PCNP: variants seen among roughly 807,000 people sequenced by gnomAD.
PCNP encodes the protein PEST proteolytic signal-containing nuclear protein.
Under a neutral mutation model 21.8 loss-of-function variants are expected in PCNP, and 6 were observed. The observed-to-expected ratio is 0.28, with a 90% confidence interval of 0.15 to 0.54. The LOEUF is 0.54. Ranked by LOEUF, PCNP falls within the 20% of genes least tolerant of loss-of-function variation. The probability of loss-of-function intolerance (pLI) is 0.95; values close to 1 mark genes in which losing one functional copy is unlikely to be tolerated. For missense variants in PCNP, 161 were observed against 215.5 expected (o/e 0.75, Z 1.58); for synonymous variants, 67 against 73.2 (o/e 0.92, Z 0.43).
intron 2 of PCNP, among the ~76,000 whole-genome samples, chr3:101,582,090 G>A (rs1576611692): frequency 6.6e-6 from 1 of 151,750 alleles, no homozygotes; most frequent in African/African-American, 2.4e-5. Context: ...AATTTGGGGT[G>A]GGAGGGTTAT....
rs537196992 is a variant in PCNP, at chr3:101,581,799, G to A, written c.279+1795G>A. On this transcript the variant is annotated intron_variant, in intron 2 of 4. Transcript: ENST00000265260. ...CCTGTTGCCCAGGCTGCAGTGCAAT[G>A]GTGCGATCTTGGCTCACTGCAACCT... 1.2e-3 allele frequency among the ~76,000 whole-genome samples: 181 copies of A among 151,656 alleles called. 1 individual carries two copies. Among genetic ancestry groups the A allele is most frequent in the African/African-American group, 4.2e-3 (175 of 41,260 alleles).
intron 3 of PCNP, chr3:101,589,934 CA>C: frequency 2.8e-6 from 1 of 352,936 alleles, no homozygotes; most frequent in Non-Finnish European, 5.2e-6. Context: ...AGGACATACA[CA>C]AACAACACAA....
Position 101,577,048 on chromosome 3 carries a change from A to G in PCNP, c.65-2742A>G, listed in dbSNP as rs1031412993. 5.6e-5 allele frequency: 41 copies of G among 733,536 alleles called. No homozygotes were observed. In the African/African-American group the frequency reaches 5.8e-4, roughly 10 times the overall value. The allele number at this position is 733,536 out of a possible 1,614,324, so 45.4% of individuals were successfully genotyped here. On this transcript the variant is annotated intron_variant, in intron 1 of 4. Coordinates refer to ENST00000265260, the MANE Select transcript of PCNP (RefSeq NM_020357.3). ...CACCATGTTGGCTAGAATGGTCTCA[A>G]TCTCTTGACCTCGTGATCCGCCCGC...
intron 1 of PCNP, among the ~76,000 whole-genome samples, chr3:101,577,705 G>A (rs138098092): frequency 3.5e-4 from 54 of 152,158 alleles, no homozygotes; most frequent in Admixed American, 6.5e-4. Context: ...TGTACTTTTA[G>A]TAGAGACGGG....
intron 3 of PCNP, chr3:101,589,903 A>G: frequency 3.8e-6 from 1 of 262,000 alleles, no homozygotes; most frequent in South Asian, 5.5e-5. Flanking sequence ...TCATGCGATT[A>G]TGTTAGGATT....
At chr3:101,587,183 GA>G (rs989182032) in intron 3 of PCNP, among the ~76,000 whole-genome samples, 3 of 151,848 alleles carry the variant, frequency 2.0e-5, no homozygotes, top group Admixed American at 2.0e-4. Context: ...CTGGGAGGCA[GA>G]GGTTACAGTG....
chr3:101,576,759 C>G, intron 1 of PCNP: 1 of 1,611,712 alleles, frequency 6.2e-7, no homozygotes, highest in East Asian at 2.2e-5. Context: ...CACGTTCCAC[C>G]TCATCATCAG....
upstream of PCNP, chr3:101,574,173 T>C: frequency 6.5e-7 from 1 of 1,542,524 alleles, no homozygotes; most frequent in East Asian, 2.5e-5. Context: ...GGCGGGGTCG[T>C]GACGTCCTTG....
At chr3:101,584,913 A>G (rs1398184800) in intron 2 of PCNP, among the ~76,000 whole-genome samples, 1 of 152,250 alleles carries the variant, frequency 6.6e-6, no homozygotes, top group Admixed American at 6.5e-5. Context: ...CCAAGTCATG[A>G]GAATCATTTG....
chr3:101,574,247 C>G lies in PCNP; in HGVS notation c.32C>G (p.Pro11Arg), dbSNP rs1239196956. The change falls in exon 1 of 5, where the codon CCT becomes CGT. Residue 11 changes from proline to arginine, a missense_variant. Pro to Arg is a moderately radical substitution (Grantham distance 103). Coordinates refer to ENST00000265260, the MANE Select transcript of PCNP (RefSeq NM_020357.3). ...GACGGGAAGGCGGGAGACGAGAAGC[C>G]TGAAAAGTCGCAGCGAGCTGGAGCC... MADGKAGDEK[P>R]EKSQRAGAAG... The G allele has an allele frequency of 6.5e-7, 1 of 1,549,512 alleles. No homozygotes were observed. The highest frequency in any genetic ancestry group is 8.7e-7 in the Non-Finnish European group (1 of 1,145,868).
intron 2 of PCNP, among the ~76,000 whole-genome samples, chr3:101,584,669 A>T (rs887819654): frequency 7.9e-5 from 12 of 152,126 alleles, no homozygotes; most frequent in South Asian, 4.2e-4. Context: ...GGTTCAAGCG[A>T]TTCTCCTGCC....
intron 4 of PCNP, among the ~76,000 whole-genome samples, chr3:101,590,786 T>G (rs1576623885): frequency 6.6e-6 from 1 of 151,902 alleles, no homozygotes; most frequent in South Asian, 2.1e-4. Context: ...TGAGTGCAAG[T>G]GATCTCCCCA....
chr3:101,588,506 T>C (rs928483753), intron 3 of PCNP, among the ~76,000 whole-genome samples: 1 of 152,226 alleles, frequency 6.6e-6, no homozygotes, highest in African/African-American at 2.4e-5. Flanking sequence ...TCATCTTTTT[T>C]TTTCTTTTTT....
At chr3:101,575,300 G>T (rs1235417013) in intron 1 of PCNP, among the ~76,000 whole-genome samples, 1 of 152,062 alleles carries the variant, frequency 6.6e-6, no homozygotes, top group East Asian at 1.9e-4. Flanking sequence ...GCATATGAAG[G>T]CCACTAGTAG....
chr3:101,585,774 GTA>G (rs1172576716), intron 3 of PCNP, among the ~76,000 whole-genome samples: 1 of 152,150 alleles, frequency 6.6e-6, no homozygotes. Flanking sequence ...GTGCTAGGAA[GTA>G]TGTAGGATCC....
intron 1 of PCNP, among the ~76,000 whole-genome samples, chr3:101,575,560 A>AT (rs982691524): frequency 1.3e-5 from 2 of 151,710 alleles, no homozygotes; most frequent in East Asian, 1.9e-4. Flanking sequence ...TCACTAGGGA[A>AT]TTTTTTTTCC....
intron 1 of PCNP, chr3:101,579,585 CTAGT>C (rs1935117466): frequency 1.4e-6 from 1 of 700,910 alleles, no homozygotes; most frequent in East Asian, 2.8e-5. Flanking sequence ...GTATTTTATG[CTAGT>C]TAATTCATGG....
At chr3:101,580,274 T>C (rs1230763307) in intron 2 of PCNP, among the ~76,000 whole-genome samples, 1 of 152,164 alleles carries the variant, frequency 6.6e-6, no homozygotes, top group Non-Finnish European at 1.5e-5. Context: ...ACTTAGAATT[T>C]TTCTGCGTTG....
rs533548683 is a variant in PCNP at position 101,585,457 on chromosome 3, A to C, written c.300A>C (p.Pro100=). Residue 100 remains proline, a synonymous_variant, in exon 3 of 5, where the codon CCA becomes CCC. Transcript: ENST00000265260. ...TTCAGAAGCCTAAAGAAACTGTTCCAACTCTTGCTCCAAAAACTCTTTCAG... is the reference window on the plus strand; with the variant it reads ...TTCAGAAGCCTAAAGAAACTGTTCCCACTCTTGCTCCAAAAACTCTTTCAG... ...LGSSKPKETV[P]TLAPKTLSVA... The C allele has an allele frequency of 1.5e-4, 243 of 1,604,522 alleles. No individual in the cohort carries two copies. The South Asian group carries it at 2.5e-3, about 16-fold the overall frequency.
Sources: allele counts gnomAD v4.1 joint callset (sites outside exome capture counted in the v4.1 genomes callset), GRCh38; gene constraint gnomAD v4.1.1; transcripts MANE v1.5; gene names NCBI Gene and HGNC (gene_info 2026-07-23, HGNC 2026-07-21).